The following CFAP299 variants were observed in gnomAD, a reference collection of about 807,000 sequenced individuals.
CFAP299 encodes cilia and flagella associated protein 299.
CFAP299 carries 21 observed loss-of-function variants against 27.0 expected under a neutral mutation model. The ratio of observed to expected loss-of-function variants is 0.78; its 90% confidence interval spans 0.55 to 1.12. CFAP299 has a LOEUF of 1.12. CFAP299 is among the 50% of genes most tolerant of loss of function. The probability of loss-of-function intolerance (pLI) is 0.00; values close to 1 mark genes in which losing one functional copy is unlikely to be tolerated. For synonymous variants in CFAP299, 104 were observed against 98.1 expected (o/e 1.06, Z -0.36); for missense variants, 310 against 276.6 (o/e 1.12, Z -0.86).
At chr4:80,339,949 G>A (rs1722357471) in intron 1 of CFAP299, among the ~76,000 whole-genome samples, 2 of 152,140 alleles carry the variant, frequency 1.3e-5, no homozygotes, top group Admixed American at 6.5e-5. Context: ...TAGCAGTAAT[G>A]GCTAAAGTAT....
rs376717194 is a variant in CFAP299 at position 80,349,378 on chromosome 4, A to G, written c.112-13376A>G. 4.6e-5 allele frequency among the ~76,000 whole-genome samples: 7 copies of G among 152,362 alleles called. No homozygotes were observed. The East Asian group carries it at 1.3e-3, about 29-fold the overall frequency. On this transcript the variant is annotated intron_variant, in intron 1 of 5. Coordinates refer to ENST00000358105, the MANE Select transcript of CFAP299 (RefSeq NM_152770.3). ...GCAATACAAATTCACTACATATGCCATGTTTTAATATTTCACATGGAGAAT... is the reference window on the plus strand; with the variant it reads ...GCAATACAAATTCACTACATATGCCGTGTTTTAATATTTCACATGGAGAAT...
At chr4:80,603,945 AAATT>A (rs1737501352) in intron 3 of CFAP299, among the ~76,000 whole-genome samples, 1 of 152,162 alleles carries the variant, frequency 6.6e-6, no homozygotes, top group African/African-American at 2.4e-5. Flanking sequence ...TCTTTAAAAT[AAATT>A]AATACAACAT....
intron 2 of CFAP299, among the ~76,000 whole-genome samples, chr4:80,580,186 A>G (rs1242841829): frequency 1.3e-5 from 2 of 152,120 alleles, no homozygotes; most frequent in Non-Finnish European, 2.9e-5. Context: ...GGTAGCCACT[A>G]TAACTCAGCT....
At chr4:80,910,925 T>C (rs962541086) in intron 4 of CFAP299, among the ~76,000 whole-genome samples, 2 of 152,122 alleles carry the variant, frequency 1.3e-5, no homozygotes, top group African/African-American at 4.8e-5. Flanking sequence ...CAGTATACAC[T>C]ATTGGAAATG....
intron 5 of CFAP299, among the ~76,000 whole-genome samples, chr4:80,954,369 G>T (rs766117359): frequency 5.9e-5 from 9 of 152,222 alleles, no homozygotes; most frequent in Non-Finnish European, 1.3e-4. Flanking sequence ...CTCAAAAATT[G>T]AAATCCCAAA....
intron 4 of CFAP299, among the ~76,000 whole-genome samples, chr4:80,897,251 T>C (rs941722780): frequency 2.3e-4 from 35 of 152,306 alleles, no homozygotes; most frequent in African/African-American, 6.7e-4. Flanking sequence ...AGATTAAACA[T>C]TTCTAAAACT....
At chr4:80,695,998 G>T (rs899025224) in intron 3 of CFAP299, among the ~76,000 whole-genome samples, 1 of 151,860 alleles carries the variant, frequency 6.6e-6, no homozygotes, top group African/African-American at 2.4e-5. Flanking sequence ...GTCATATATA[G>T]AATTTTTAAA....
intron 2 of CFAP299, among the ~76,000 whole-genome samples, chr4:80,561,514 C>T (rs1490495606): frequency 2.0e-5 from 3 of 151,904 alleles, no homozygotes; most frequent in African/African-American, 7.3e-5. Flanking sequence ...ACCTTTCAGA[C>T]AGAGAATTCA....
intron 2 of CFAP299, among the ~76,000 whole-genome samples, chr4:80,479,223 C>T (rs1309349086): frequency 1.3e-5 from 2 of 151,840 alleles, no homozygotes; most frequent in Non-Finnish European, 2.9e-5. Flanking sequence ...TTTACCATAT[C>T]TTCTGTTAAA....
intron 2 of CFAP299, among the ~76,000 whole-genome samples, chr4:80,550,372 C>T (rs1297012986): frequency 2.6e-5 from 4 of 151,894 alleles, no homozygotes; most frequent in South Asian, 2.1e-4. Flanking sequence ...TCAACTGAGT[C>T]CTGGGTCACT....
intron 2 of CFAP299, among the ~76,000 whole-genome samples, chr4:80,558,346 G>GTTTTTTTTTT (rs1734874111): frequency 7.4e-6 from 1 of 135,726 alleles, no homozygotes; most frequent in African/African-American, 3.1e-5. Flanking sequence ...TGGTTTTTTT[G>GTTTTTTTTTT]TTTGTTTGTT....
chr4:80,624,315 A>C (rs1240171137), intron 3 of CFAP299, among the ~76,000 whole-genome samples: 1 of 152,162 alleles, frequency 6.6e-6, no homozygotes, highest in African/African-American at 2.4e-5. Flanking sequence ...ATAAGTAAAA[A>C]GCAAACAAAT....
At chr4:80,682,731 A>G (rs1261689885) in intron 3 of CFAP299, among the ~76,000 whole-genome samples, 1 of 152,132 alleles carries the variant, frequency 6.6e-6, no homozygotes, top group Non-Finnish European at 1.5e-5. Context: ...ACTGCATTTA[A>G]TGCCTATTCC....
chr4:80,404,458 G>A (rs1490703867), intron 2 of CFAP299, among the ~76,000 whole-genome samples: 1 of 152,114 alleles, frequency 6.6e-6, no homozygotes, highest in African/African-American at 2.4e-5. Flanking sequence ...TTATTCTCCA[G>A]CTCCTAGCAA....
At chr4:80,639,497 A>G (rs1739616902) in intron 3 of CFAP299, among the ~76,000 whole-genome samples, 2 of 152,172 alleles carry the variant, frequency 1.3e-5, no homozygotes, top group Non-Finnish European at 2.9e-5. Context: ...CTCTAAAATT[A>G]TTGACAGTTT....
chr4:80,331,627 A>G (rs1578322212), upstream of CFAP299, among the ~76,000 whole-genome samples: 1 of 152,222 alleles, frequency 6.6e-6, no homozygotes, highest in East Asian at 1.9e-4. Flanking sequence ...ACTGTCTTCC[A>G]TGTTTCTCAC....
chr4:80,707,906 T>C (rs1721916425), intron 3 of CFAP299, among the ~76,000 whole-genome samples: 3 of 152,122 alleles, frequency 2.0e-5, no homozygotes, highest in Non-Finnish European at 4.4e-5. Flanking sequence ...CTAGCTGTGA[T>C]GAATCAGTAA....
chr4:80,592,276 TAC>T (rs1431795119), intron 3 of CFAP299, among the ~76,000 whole-genome samples: 5 of 152,122 alleles, frequency 3.3e-5, no homozygotes, highest in African/African-American at 1.2e-4. Flanking sequence ...AGGAAGCATT[TAC>T]AGATTGTTCT....
At chr4:80,586,748 A>G (rs1275552811) in intron 3 of CFAP299, among the ~76,000 whole-genome samples, 1 of 152,138 alleles carries the variant, frequency 6.6e-6, no homozygotes, top group Non-Finnish European at 1.5e-5. Flanking sequence ...AAAATAAAAC[A>G]TTTCCTTTCT....
Sources: allele counts gnomAD v4.1 joint callset (sites outside exome capture counted in the v4.1 genomes callset), GRCh38; gene constraint gnomAD v4.1.1; transcripts MANE v1.5; gene names NCBI Gene and HGNC (gene_info 2026-07-23, HGNC 2026-07-21).